The following FLVCR2 variants were observed in gnomAD, a reference collection of about 807,000 sequenced individuals.
FLVCR2 encodes choline/ethanolamine transporter FLVCR2.
FLVCR2 carries 38 observed loss-of-function variants against 48.9 expected under a neutral mutation model. The ratio of observed to expected loss-of-function variants is 0.78; its 90% CI spans 0.60 to 1.02. The LOEUF is 1.02. FLVCR2 is among the 50% of genes least tolerant of loss of function. The pLI is 0.00. For missense variants in FLVCR2, 664 were observed against 663.3 expected (o/e 1.00, Z -0.01); for synonymous variants, 255 against 257.0 (o/e 0.99, Z 0.07).
At chr14:75,628,407 A>G (rs2140043237) in intron 3 of FLVCR2, among the ~76,000 whole-genome samples, 1 of 152,250 alleles carries the variant, frequency 6.6e-6, no homozygotes. Context: ...GCCCTCTATC[A>G]ATTCAACTAG....
At chr14:75,619,655 T>G (rs1204643814) in intron 1 of FLVCR2, among the ~76,000 whole-genome samples, 1 of 152,246 alleles carries the variant, frequency 6.6e-6, no homozygotes, top group Non-Finnish European at 1.5e-5. Flanking sequence ...CCTGATGTTT[T>G]GGTTTTCCAC....
chr14:75,632,523 G>A lies in FLVCR2; in HGVS notation c.953-1106G>A, dbSNP rs1890071021. 2.7e-5 allele frequency: 18 copies of A among 665,090 alleles called. No homozygotes were observed. In the South Asian group the frequency reaches 2.9e-4, roughly 11 times the overall value. 41.2% of individuals were successfully genotyped at this position (665,090 alleles called of 1,614,324 possible). A position where few individuals can be genotyped will look rare whatever the true frequency, so the allele number is the denominator to read the frequency against. On this transcript the variant is annotated intron_variant, in intron 3 of 9. Coordinates refer to ENST00000238667, the MANE Select transcript of FLVCR2 (RefSeq NM_017791.3). ...GTGGTGCCTGTGAGCATTAAGCCAGGGTGGTTGCCATACCCACCTTCCCTT... is the reference window on the plus strand; with the variant it reads ...GTGGTGCCTGTGAGCATTAAGCCAGAGTGGTTGCCATACCCACCTTCCCTT...
chr14:75,639,685 C>T (rs112332943), intron 6 of FLVCR2, among the ~76,000 whole-genome samples: 10 of 152,094 alleles, frequency 6.6e-5, no homozygotes, highest in African/African-American at 2.2e-4. Context: ...ACACCCTTCG[C>T]GACCTCTTGG....
At chr14:75,641,376 T>C in intron 8 of FLVCR2, 83 bp downstream of exon 8, 2 of 859,880 alleles carry the variant, frequency 2.3e-6, no homozygotes, top group South Asian at 2.7e-5. Flanking sequence ...AGATAGGGAG[T>C]ACGTACGTAG....
At chr14:75,584,620 A>G (rs1002783070) in intron 1 of FLVCR2, among the ~76,000 whole-genome samples, 8 of 152,090 alleles carry the variant, frequency 5.3e-5, no homozygotes, top group African/African-American at 1.9e-4. Flanking sequence ...ATACCTGGGG[A>G]ATCTGCCTGA....
intron 1 of FLVCR2, among the ~76,000 whole-genome samples, chr14:75,605,204 G>A (rs1889261690): frequency 6.6e-6 from 1 of 152,180 alleles, no homozygotes; most frequent in Admixed American, 6.5e-5. Context: ...ATTGCAGGAT[G>A]TAGGTTGGAG....
At chr14:75,620,935 C>T (rs190780676) in intron 1 of FLVCR2, among the ~76,000 whole-genome samples, 2 of 152,312 alleles carry the variant, frequency 1.3e-5, no homozygotes, top group East Asian at 1.9e-4. Flanking sequence ...TGAGACCTTA[C>T]GACAAAGGAA....
chr14:75,611,810 G>A (rs766018667), intron 1 of FLVCR2, among the ~76,000 whole-genome samples: 4 of 152,128 alleles, frequency 2.6e-5, no homozygotes, highest in Non-Finnish European at 5.9e-5. Context: ...CAACTTCAGG[G>A]GGTAGTTGTG....
rs561346482 is a variant in FLVCR2, at chr14:75,594,576, C to T, written c.669+14935C>T. Among the ~76,000 whole-genome samples, 11 of 152,348 alleles carry T rather than the reference C, an allele frequency of 7.2e-5. No homozygotes were observed. In the South Asian group the frequency reaches 2.3e-3, roughly 32 times the overall value. On this transcript the variant is annotated intron_variant, in intron 1 of 9. Transcript: ENST00000238667. ...TGGGAAACCCATGATTGAGGGGCTG[C>T]ATCTGGTGAGGGCCTTCTTGCTGCA...
intron 1 of FLVCR2, among the ~76,000 whole-genome samples, chr14:75,588,756 G>A (rs1038577334): frequency 6.6e-6 from 1 of 152,178 alleles, no homozygotes; most frequent in Non-Finnish European, 1.5e-5. Context: ...TTGGATTACA[G>A]GCGTGAGCCA....
At chr14:75,584,419 A>C (rs1888688507) in intron 1 of FLVCR2, among the ~76,000 whole-genome samples, 2 of 104 alleles carry the variant, frequency 0.019, no homozygotes, top group Non-Finnish European at 0.036. Flanking sequence ...ATTGAGAATA[A>C]GGCGCCTTCC....
At chr14:75,619,398 G>C (rs147826541) in intron 1 of FLVCR2, among the ~76,000 whole-genome samples, 3 of 151,846 alleles carry the variant, frequency 2.0e-5, no homozygotes, top group Non-Finnish European at 4.4e-5. Flanking sequence ...GTACAATGTA[G>C]AAAGAACCTG....
At chr14:75,591,866 T>A (rs1023331998) in intron 1 of FLVCR2, among the ~76,000 whole-genome samples, 2 of 140,106 alleles carry the variant, frequency 1.4e-5, no homozygotes, top group Non-Finnish European at 3.0e-5. Context: ...CAGGCTGGAG[T>A]GCAGTGGTGT....
chr14:75,617,750 C>T (rs1326305155), intron 1 of FLVCR2, among the ~76,000 whole-genome samples: 1 of 152,188 alleles, frequency 6.6e-6, no homozygotes, highest in Non-Finnish European at 1.5e-5. Context: ...AGTGTGAGCC[C>T]TGCCCTCATG....
chr14:75,600,207 A>G (rs916409831), intron 1 of FLVCR2, among the ~76,000 whole-genome samples: 5 of 152,018 alleles, frequency 3.3e-5, no homozygotes, highest in African/African-American at 1.2e-4. Context: ...GTTAAAAGAC[A>G]CTCCCACCAG....
At chr14:75,643,916 C>A (rs1451405157) in intron 9 of FLVCR2, among the ~76,000 whole-genome samples, 2 of 151,806 alleles carry the variant, frequency 1.3e-5, no homozygotes, top group South Asian at 2.1e-4. Context: ...ACTAAAAATA[C>A]AAAAATTAGC....
chr14:75,638,119 G>A (rs1890215304), intron 5 of FLVCR2, among the ~76,000 whole-genome samples: 1 of 152,142 alleles, frequency 6.6e-6, no homozygotes, highest in Admixed American at 6.5e-5. Context: ...TCTCTGGAGT[G>A]GAGTAGTTCA....
chr14:75,584,946 A>G lies in FLVCR2; in HGVS notation c.669+5305A>G, dbSNP rs568893086. Among the ~76,000 whole-genome samples the G allele has an allele frequency of 8.5e-5, 13 of 152,274 alleles. No individual in the cohort carries two copies. The East Asian group carries it at 2.5e-3, about 29-fold the overall frequency. ...AGCTCCAGCCACCTCTTTAAGAGGA[A>G]ATTGTTGGGCAGGTGGGGGAGGGCT... is the stretch of plus-strand genomic sequence containing the variant. On this transcript the variant is annotated intron_variant, in intron 1 of 9. Transcript: ENST00000238667.
chr14:75,601,718 T>C (rs1396424516), intron 1 of FLVCR2, among the ~76,000 whole-genome samples: 3 of 152,364 alleles, frequency 2.0e-5, no homozygotes, highest in African/African-American at 7.2e-5. Flanking sequence ...CAGATATTTG[T>C]ATACTCGTGT....
Sources: allele counts gnomAD v4.1 joint callset (sites outside exome capture counted in the v4.1 genomes callset), GRCh38; gene constraint gnomAD v4.1.1; transcripts MANE v1.5; gene names NCBI Gene and HGNC (gene_info 2026-07-23, HGNC 2026-07-21).